WWOX: variants seen among roughly 807,000 people sequenced by gnomAD.
WWOX encodes the protein WW domain-containing oxidoreductase.
Under a neutral mutation model 46.2 loss-of-function variants are expected in WWOX, and 69 were observed. The ratio of observed to expected loss-of-function variants is 1.49; its 90% CI spans 1.23 to 1.82. The LOEUF is 1.82. Among genes scored for constraint, WWOX ranks in the 40% most tolerant of loss-of-function variants. The pLI, the probability that WWOX is intolerant of heterozygous loss-of-function variation, is 0.00. For synonymous variants in WWOX, 359 were observed against 202.6 expected (o/e 1.77, Z -6.56); for missense variants, 919 against 542.6 (o/e 1.69, Z -6.89).
intron 8 of WWOX, among the ~76,000 whole-genome samples, chr16:78,789,900 T>A (rs2050551069): frequency 1.3e-5 from 2 of 152,170 alleles, no homozygotes; most frequent in South Asian, 4.1e-4. Context: ...CAGACAGTTG[T>A]AAACTTAAAC....
intron 8 of WWOX, among the ~76,000 whole-genome samples, chr16:78,796,872 C>A (rs541107318): frequency 6.7e-6 from 1 of 149,046 alleles, no homozygotes. Context: ...GTCACCTAGG[C>A]TGGAGTGCAG....
At chr16:79,206,153 T>A (rs2051502228) in intron 8 of WWOX, 1 of 152,176 alleles carries the variant, frequency 6.6e-6, no homozygotes, top group South Asian at 2.1e-4. Context: ...TTTTAACATT[T>A]CTCGGGTGAA....
At chr16:78,531,926 C>T (rs2043632933) in intron 8 of WWOX, among the ~76,000 whole-genome samples, 1 of 152,152 alleles carries the variant, frequency 6.6e-6, no homozygotes, top group Non-Finnish European at 1.5e-5. Context: ...TTTTCAGTCT[C>T]TTTCTCCCTT....
intron 8 of WWOX, among the ~76,000 whole-genome samples, chr16:78,789,053 A>G (rs962127914): frequency 6.6e-6 from 1 of 152,164 alleles, no homozygotes; most frequent in Non-Finnish European, 1.5e-5. Context: ...GTGATGCACA[A>G]AAGTTTTAAC....
At chr16:79,041,685 A>G (rs1344031857) in intron 8 of WWOX, among the ~76,000 whole-genome samples, 2 of 152,198 alleles carry the variant, frequency 1.3e-5, no homozygotes, top group South Asian at 2.1e-4. Flanking sequence ...CATCACTGCA[A>G]ATGGCAAGGG....
intron 8 of WWOX, among the ~76,000 whole-genome samples, chr16:78,548,172 AAAAAAAT>A (rs1323257318): frequency 1.3e-5 from 1 of 76,150 alleles, no homozygotes; most frequent in Non-Finnish European, 3.5e-5. Flanking sequence ...AAAAAAAAAA[AAAAAAAT>A]TACGAATTTT....
chr16:78,787,733 G>T (rs771588321), intron 8 of WWOX, among the ~76,000 whole-genome samples: 7 of 152,072 alleles, frequency 4.6e-5, no homozygotes, highest in Non-Finnish European at 8.8e-5. Flanking sequence ...ACTTTCAGAG[G>T]AGCCACCAAA....
chr16:79,050,482 C>T (rs183472652), intron 8 of WWOX, among the ~76,000 whole-genome samples: 1 of 152,196 alleles, frequency 6.6e-6, no homozygotes, highest in Non-Finnish European at 1.5e-5. Context: ...CATACCCATT[C>T]CTCTGTCACA....
intron 8 of WWOX, among the ~76,000 whole-genome samples, chr16:78,921,727 C>A (rs749961488): frequency 6.6e-6 from 1 of 152,122 alleles, no homozygotes; most frequent in Non-Finnish European, 1.5e-5. Context: ...GTCTAAACTT[C>A]TCATGGGCTA....
chr16:78,542,216 A>G (rs562479965), intron 8 of WWOX, among the ~76,000 whole-genome samples: 1 of 152,064 alleles, frequency 6.6e-6, no homozygotes, highest in Admixed American at 6.5e-5. Context: ...CCCTCCGTAA[A>G]CACTGCCGGA....
intron 8 of WWOX, among the ~76,000 whole-genome samples, chr16:78,836,424 T>TC (rs887616332): frequency 2.0e-5 from 3 of 152,122 alleles, no homozygotes; most frequent in African/African-American, 7.2e-5. Context: ...TGAAACTTAT[T>TC]CCCGCAAGGA....
At chr16:78,951,270 C>T (rs183136893) in intron 8 of WWOX, among the ~76,000 whole-genome samples, 1 of 152,210 alleles carries the variant, frequency 6.6e-6, no homozygotes, top group Non-Finnish European at 1.5e-5. Context: ...CATTTGCAGA[C>T]ATGGCCAGCA....
chr16:78,345,095 C>T (rs1011248416), intron 5 of WWOX, among the ~76,000 whole-genome samples: 1 of 118,668 alleles, frequency 8.4e-6, no homozygotes, highest in African/African-American at 2.9e-5. Flanking sequence ...GTCGTTTTCT[C>T]ATAAAGTTGA....
intron 8 of WWOX, among the ~76,000 whole-genome samples, chr16:79,048,821 C>T (rs941580705): frequency 6.6e-6 from 1 of 152,158 alleles, no homozygotes; most frequent in Non-Finnish European, 1.5e-5. Context: ...CAGTGGTCAC[C>T]AGCATTGTAG....
chr16:78,407,830 A>C (rs999049501), intron 6 of WWOX, among the ~76,000 whole-genome samples: 4 of 152,218 alleles, frequency 2.6e-5, no homozygotes, highest in African/African-American at 9.6e-5. Context: ...TTCTTACCAC[A>C]TCTTGAGTCT....
At chr16:78,514,740 T>C (rs889389831) in intron 8 of WWOX, among the ~76,000 whole-genome samples, 8 of 152,242 alleles carry the variant, frequency 5.3e-5, no homozygotes, top group Admixed American at 1.3e-4. Context: ...GTTTTCTGGC[T>C]ATATAAACAC....
intron 5 of WWOX, among the ~76,000 whole-genome samples, chr16:78,234,200 T>C (rs9940886): frequency 0.53 from 80,693 of 151,866 alleles, 21,853 homozygotes; most frequent in Admixed American, 0.67. Context: ...TTTGTGAATG[T>C]TAATATACAG....
At chr16:79,189,276 G>A (rs575125095) in intron 8 of WWOX, among the ~76,000 whole-genome samples, 3 of 150,552 alleles carry the variant, frequency 2.0e-5, no homozygotes, top group African/African-American at 7.3e-5. Flanking sequence ...TGTTTTTTCT[G>A]AGACAGGATC....
At chr16:78,851,771 G>C (rs1324131978) in intron 8 of WWOX, among the ~76,000 whole-genome samples, 1 of 151,972 alleles carries the variant, frequency 6.6e-6, no homozygotes, top group African/African-American at 2.4e-5. Flanking sequence ...TAAACTTTAG[G>C]GGCTGTAGAT....
Sources: gnomAD v4.1 joint callset for allele counts (sites outside exome capture counted in the v4.1 genomes callset) on GRCh38, gnomAD v4.1.1 for gene constraint, MANE v1.5 for transcripts, NCBI Gene and HGNC (gene_info 2026-07-23, HGNC 2026-07-21) for gene names.